Variants in NDRG4 observed in about 807,000 individuals in gnomAD.
NDRG4 encodes NDRG family member 4.
A neutral mutation model predicts 55.8 loss-of-function variants in NDRG4; 38 were observed. That is an observed-to-expected ratio of 0.68 (90% CI 0.53 to 0.89). The LOEUF is 0.89. Ranked by LOEUF, NDRG4 falls within the 40% of genes least tolerant of loss-of-function variation. NDRG4 has a pLI of 0.00. For synonymous variants in NDRG4, 190 were observed against 182.7 expected, an observed-to-expected ratio of 1.04 and a Z score of -0.32; for missense variants, 455 against 468.6, an observed-to-expected ratio of 0.97 and a Z score of 0.27.
chr16:58,490,505 T>C (rs1174417251), intron 2 of NDRG4, among the ~76,000 whole-genome samples: 1 of 152,218 alleles, frequency 6.6e-6, no homozygotes, highest in Non-Finnish European at 1.5e-5. Context: ...CTGGCCCTAC[T>C]GCAGGTGGTG....
Position 58,465,983 on chromosome 16 carries a change from CT to C in NDRG4, c.-24+2187del, listed in dbSNP as rs561680062. On this transcript the variant is annotated intron_variant, in intron 1 of 15. Transcript: ENST00000258187. ...GCAGGCCACTGAACTTGTTAACCCCCTGGAGGGAAGGCTTGCGGTTCCATGG... is the reference window on the plus strand; with the variant it reads ...GCAGGCCACTGAACTTGTTAACCCCCGGAGGGAAGGCTTGCGGTTCCATGG... 1.5e-3 allele frequency among the ~76,000 whole-genome samples: 230 copies of C among 152,292 alleles called. 1 individual carries two copies. The highest frequency in any genetic ancestry group is 5.2e-3 in the African/African-American group (215 of 41,544).
Position 58,501,083 on chromosome 16 carries a change from C to T in NDRG4, c.21+814C>T, listed in dbSNP as rs891024283. 8 of 1,234,604 alleles carry T rather than the reference C, an allele frequency of 6.5e-6. No individual in the cohort carries two copies. The African/African-American group carries it at 1.2e-4, about 19-fold the overall frequency. The allele number at this position is 1,234,604 out of a possible 1,614,324, so 76.5% of individuals were successfully genotyped here. On this transcript the variant is annotated intron_variant, in intron 1 of 14. Coordinates refer to ENST00000570248, the MANE Select transcript of NDRG4 (RefSeq NM_001242835.2). ...TCCTCTCGCCGGGGCATCAGGTACC[C>T]CGGCCCCATTCTTCCTCAGGAGGGA...
At chr16:58,467,618 G>C (rs1276639196) in intron 1 of NDRG4, among the ~76,000 whole-genome samples, 1 of 152,200 alleles carries the variant, frequency 6.6e-6, no homozygotes, top group African/African-American at 2.4e-5. Flanking sequence ...TTTCTCAGAA[G>C]AGGCAGCACT....
At chr16:58,465,576 T>TTGGAGGGGGGGGGG (rs2031454325) in intron 1 of NDRG4, among the ~76,000 whole-genome samples, 1 of 69,226 alleles carries the variant, frequency 1.4e-5, no homozygotes. Flanking sequence ...AAGGTGGGGG[T>TTGGAGGGGGGGGGG]GGGGTACGTT....
At chr16:58,495,169 G>T (rs1221314049), upstream of NDRG4, among the ~76,000 whole-genome samples, 1 of 152,206 alleles carries the variant, frequency 6.6e-6, no homozygotes, top group African/African-American at 2.4e-5. Flanking sequence ...TCTGCGAGCA[G>T]CAGGGAAGAG....
intron 1 of NDRG4, chr16:58,465,227 C>T (rs934455973): frequency 1.5e-6 from 1 of 685,264 alleles, no homozygotes; most frequent in East Asian, 6.5e-5. Context: ...CAGATGAGCA[C>T]AGATTCCAGT....
At chr16:58,465,316 C>T (rs1046433386) in intron 1 of NDRG4, 3 of 425,278 alleles carry the variant, frequency 7.1e-6, no homozygotes, top group African/African-American at 2.0e-5. Context: ...AGCAGAGCCC[C>T]GGAGCCCTGT....
intron 1 of NDRG4, among the ~76,000 whole-genome samples, chr16:58,480,888 AT>A (rs2034302706): frequency 6.6e-6 from 1 of 152,104 alleles, no homozygotes; most frequent in East Asian, 1.9e-4. Flanking sequence ...GAAGCCTGTA[AT>A]CCCAGCTATG....
At chr16:58,503,726 C>T (rs1417214268) in intron 1 of NDRG4, 72 bp from the exon 2 acceptor site, 55 of 1,599,048 alleles carry the variant, frequency 3.4e-5, no homozygotes, top group African/African-American at 4.0e-5. Context: ...TACCAGGCTG[C>T]GTCACCTCAT....
At chr16:58,488,463 G>A (rs768025190) in intron 2 of NDRG4, among the ~76,000 whole-genome samples, 4 of 152,126 alleles carry the variant, frequency 2.6e-5, no homozygotes, top group African/African-American at 4.8e-5. Flanking sequence ...TCCCAGTGCC[G>A]TCATACTGGT....
upstream of NDRG4, among the ~76,000 whole-genome samples, chr16:58,497,293 G>C (rs957262245): frequency 7.9e-5 from 12 of 152,192 alleles, no homozygotes; most frequent in African/African-American, 2.4e-4. Context: ...TTGCACTCCA[G>C]CCTGGGCAAC....
intron 10 of NDRG4, among the ~76,000 whole-genome samples, 171 bp downstream of exon 10, chr16:58,508,170 G>C (rs1349849079): frequency 6.6e-6 from 1 of 152,158 alleles, no homozygotes; most frequent in East Asian, 1.9e-4. Flanking sequence ...CTCACATCTG[G>C]CATAGCCCCC....
intron 2 of NDRG4, among the ~76,000 whole-genome samples, chr16:58,493,959 G>C (rs571038190): frequency 2.6e-5 from 4 of 152,114 alleles, no homozygotes; most frequent in African/African-American, 9.7e-5. Flanking sequence ...TGGGCCCCTC[G>C]GCCTCAGGGA....
At chr16:58,497,399 G>C (rs1254835633), upstream of NDRG4, among the ~76,000 whole-genome samples, 1 of 152,184 alleles carries the variant, frequency 6.6e-6, no homozygotes, top group Non-Finnish European at 1.5e-5. Flanking sequence ...GGCACATGGA[G>C]GACATTTGAA....
upstream of NDRG4, among the ~76,000 whole-genome samples, chr16:58,497,759 T>G (rs2036574258): frequency 6.6e-6 from 1 of 152,194 alleles, no homozygotes; most frequent in Non-Finnish European, 1.5e-5. Flanking sequence ...CTGGCCACTG[T>G]AACTGCACAA....
At position 58,512,443 on chromosome 16, in the gene NDRG4, G is replaced by C; in HGVS notation, c.*867G>C. On this transcript the variant is annotated 3_prime_UTR_variant, in exon 15 of 15. Coordinates refer to ENST00000570248, the MANE Select transcript of NDRG4 (RefSeq NM_001242835.2). ...CAGGTGGCCAGAGGCAGGGGTAGCTGAGTTCCTGGAGACCCCTTTTTTGCC... is the reference window on the plus strand; with the variant it reads ...CAGGTGGCCAGAGGCAGGGGTAGCTCAGTTCCTGGAGACCCCTTTTTTGCC... 1 of 251,190 alleles carries C rather than the reference G, an allele frequency of 4.0e-6. No individual in the cohort carries two copies. Among genetic ancestry groups the C allele is most frequent in the Non-Finnish European group, 7.9e-6 (1 of 126,630 alleles). The allele number at this position is 251,190 out of a possible 1,614,324, so 15.6% of individuals were successfully genotyped here. A position where few individuals can be genotyped will look rare whatever the true frequency, so the allele number is the denominator to read the frequency against.
intron 11 of NDRG4, 31 bp from the exon 12 acceptor site, chr16:58,509,123 T>C: frequency 6.2e-7 from 1 of 1,614,006 alleles, no homozygotes; most frequent in Non-Finnish European, 8.5e-7. Flanking sequence ...GTGAGGGCCC[T>C]GCTCAGGTCA....
intron 1 of NDRG4, among the ~76,000 whole-genome samples, chr16:58,483,159 T>C (rs1453589554): frequency 6.6e-6 from 1 of 152,104 alleles, no homozygotes; most frequent in Non-Finnish European, 1.5e-5. Flanking sequence ...AGCAATTGCT[T>C]TTTTCTGTAG....
chr16:58,475,045 G>C (rs1597080580), intron 1 of NDRG4, among the ~76,000 whole-genome samples: 2 of 152,208 alleles, frequency 1.3e-5, no homozygotes, highest in Admixed American at 6.5e-5. Flanking sequence ...TGCCCAGTAA[G>C]AAAGATGCCC....
Sources: allele counts gnomAD v4.1 joint callset (sites outside exome capture counted in the v4.1 genomes callset), GRCh38; gene constraint gnomAD v4.1.1; transcripts MANE v1.5; gene names NCBI Gene and HGNC (gene_info 2026-07-23, HGNC 2026-07-21).